Variants in SMG7 observed in about 807,000 individuals in gnomAD.
The protein encoded by SMG7 is nonsense-mediated mRNA decay factor SMG7.
Under a neutral mutation model 148.2 loss-of-function variants are expected in SMG7, and 34 were observed. The ratio of observed to expected loss-of-function variants is 0.23; its 90% CI spans 0.17 to 0.31. The LOEUF is 0.31. Ranked by LOEUF, SMG7 falls within the 10% of genes least tolerant of loss-of-function variation. The pLI is 1.00. For missense variants in SMG7, 1,114 were observed against 1,408.4 expected, an observed-to-expected ratio of 0.79 and a Z score of 3.35; for synonymous variants, 492 against 515.1, an observed-to-expected ratio of 0.96 and a Z score of 0.61.
chr1:183,502,155 C>A, intron 1 of SMG7: 1 of 766,480 alleles, frequency 1.3e-6, no homozygotes, highest in Non-Finnish European at 1.8e-6. Flanking sequence ...CTTTACCTTT[C>A]ACATGAAGTC....
In SMG7 at chr1:183,549,437, T is replaced by G. The variant is rs1033125120; in HGVS notation, c.2973+149T>G. On this transcript the variant is annotated intron_variant, in intron 19 of 22. Transcript: ENST00000688051. ...TGATTTTATCCCCCTTGTCTCTGAT[T>G]GGGGCATACTAGTGACTTGTACATC... The G allele has an allele frequency of 6.2e-6, 4 of 649,098 alleles. No individual in the cohort carries two copies. The African/African-American group carries it at 7.3e-5, about 12-fold the overall frequency. The allele number at this position is 649,098 out of a possible 1,614,324, so 40.2% of individuals were successfully genotyped here. A position where few individuals can be genotyped will look rare whatever the true frequency, so the allele number is the denominator to read the frequency against.
intron 1 of SMG7, among the ~76,000 whole-genome samples, chr1:183,497,793 A>C (rs1658862076): frequency 6.6e-6 from 1 of 151,538 alleles, no homozygotes; most frequent in Admixed American, 6.6e-5. Flanking sequence ...CTGGTCTAGA[A>C]CTCCTGACCT....
At position 183,553,647 on chromosome 1, in the gene SMG7, G is replaced by C. The variant is rs1052510882; in HGVS notation, c.*1716G>C. On this transcript the variant is annotated 3_prime_UTR_variant, in exon 23 of 23. Transcript: ENST00000688051. ...GTATGCTTACATTATTGCTCTTTTA[G>C]TTTGACATGGTGTTTGGGTTTTGTT... 6.6e-6 allele frequency: 1 copy of C among 151,262 alleles called. No individual in the cohort carries two copies. The highest frequency in any genetic ancestry group is 7.3e-5 in the Admixed American group (1 of 13,616). 9.4% of individuals were successfully genotyped at this position (151,262 alleles called of 1,614,324 possible).
intron 1 of SMG7, among the ~76,000 whole-genome samples, chr1:183,484,361 T>TA (rs1557948872): frequency 1.2e-5 from 1 of 84,224 alleles, no homozygotes; most frequent in Non-Finnish European, 3.4e-5. Context: ...TGAAAAAAAA[T>TA]TTTTTTTTTT....
chr1:183,534,568 A>G (rs1667408399), intron 10 of SMG7, among the ~76,000 whole-genome samples: 1 of 152,200 alleles, frequency 6.6e-6, no homozygotes, highest in Admixed American at 6.5e-5. Context: ...AGCCACATTT[A>G]AGACCCTGTG....
At position 183,546,071 on chromosome 1, in the gene SMG7, G is replaced by A; in HGVS notation, c.2476G>A (p.Asp826Asn). ...ACAGCCCTACTACCTTCAGACCCAA[G>A]ACCCCATAAAACTGTTTGAGCCGTC... ...VKQPYYLQTQ[D>N]PIKLFEPSLQ... The change falls in exon 17 of 23, where the codon GAC becomes AAC. Residue 826 changes from aspartate to asparagine, a missense_variant. Transcript: ENST00000688051. 2 of 1,613,866 alleles carry A rather than the reference G, an allele frequency of 1.2e-6. No homozygotes were observed. The highest frequency in any genetic ancestry group is 1.7e-6 in the Non-Finnish European group (2 of 1,179,952).
chr1:183,541,316 C>G (rs751055400), intron 13 of SMG7, among the ~76,000 whole-genome samples: 6 of 152,232 alleles, frequency 3.9e-5, no homozygotes, highest in African/African-American at 1.2e-4. Context: ...TTTAGAATCT[C>G]TGTTCTCCCT....
intron 1 of SMG7, among the ~76,000 whole-genome samples, chr1:183,480,571 A>G (rs559532762): frequency 3.0e-4 from 45 of 152,112 alleles, no homozygotes; most frequent in Admixed American, 2.3e-3. Flanking sequence ...CATTCCACCA[A>G]TAAACATTCA....
At chr1:183,533,613 T>G in intron 9 of SMG7, 63 bp from the exon 10 acceptor site, 2 of 1,405,602 alleles carry the variant, frequency 1.4e-6, no homozygotes, top group Non-Finnish European at 2.0e-6. Context: ...GCACATAATA[T>G]TTTAATTTGA....
chr1:183,489,197 C>G (rs1322246890), intron 1 of SMG7, among the ~76,000 whole-genome samples: 4 of 151,996 alleles, frequency 2.6e-5, no homozygotes, highest in African/African-American at 9.7e-5. Context: ...TAATTCTACT[C>G]AATCCAATAT....
chr1:183,511,584 A>G (rs1349994327), intron 1 of SMG7, among the ~76,000 whole-genome samples: 1 of 152,202 alleles, frequency 6.6e-6, no homozygotes, highest in Non-Finnish European at 1.5e-5. Context: ...GTGGAAGTAG[A>G]GTTCAGAGAC....
At chr1:183,487,345 C>T (rs972745503) in intron 1 of SMG7, among the ~76,000 whole-genome samples, 1 of 152,184 alleles carries the variant, frequency 6.6e-6, no homozygotes, top group South Asian at 2.1e-4. Context: ...GACTCTCCTG[C>T]CTCTCTTTCA....
intron 2 of SMG7, 166 bp downstream of exon 2, chr1:183,513,034 TC>T: frequency 1.7e-6 from 1 of 595,966 alleles, no homozygotes; most frequent in Non-Finnish European, 2.8e-6. Flanking sequence ...TAGTTTGAAT[TC>T]TTGCTTAAAT....
chr1:183,504,975 T>C (rs1660575543), intron 1 of SMG7, among the ~76,000 whole-genome samples: 2 of 152,186 alleles, frequency 1.3e-5, no homozygotes. Context: ...CTTCTATCTC[T>C]TCCAGAACAG....
rs1043385660 is a variant in SMG7, at chr1:183,472,667, G to T, written c.29+18G>T. The stretch of plus-strand genomic sequence containing the variant: ...TACCTCCGGTGAGTGCCGAGGCCGG[G>T]CTGGTACGTAGGGGGAGCGGGCCGC... On this transcript the variant is annotated intron_variant, in intron 1 of 22. Coordinates refer to ENST00000688051, the MANE Select transcript of SMG7 (RefSeq NM_001375584.1). 2.0e-6 allele frequency: 3 copies of T among 1,466,320 alleles called. No homozygotes were observed. In the East Asian group the frequency reaches 8.1e-5, roughly 40 times the overall value. The allele number at this position is 1,466,320 out of a possible 1,614,324, so 90.8% of individuals were successfully genotyped here.
Position 183,544,435 on chromosome 1 carries a change from G to C in SMG7, c.1925G>C (p.Ser642Thr), listed in dbSNP as rs201077093. ...TPVTQTPTQASNSQFIPIHHP... is the reference protein window; with the variant it reads ...TPVTQTPTQATNSQFIPIHHP... Reference sequence around the variant, plus strand: ...GTAACTCAAACCCCAACTCAAGCAAGTAACTCCCAGTTCATCCCCATTCAT... The same window carrying C: ...GTAACTCAAACCCCAACTCAAGCAACTAACTCCCAGTTCATCCCCATTCAT... The change falls in exon 15 of 23, where the codon AGT becomes ACT. Residue 642 changes from serine (S) to threonine (T), a missense_variant. Around this residue, in one of 4 missense-constraint regions of SMG7, gnomAD observed 788 missense variants for 894.5 expected, o/e 0.88. Transcript: ENST00000688051. 28 of 1,613,968 alleles carry C rather than the reference G, an allele frequency of 1.7e-5. No individual in the cohort carries two copies. In the East Asian group the frequency reaches 4.0e-4, roughly 23 times the overall value.
intron 1 of SMG7, among the ~76,000 whole-genome samples, chr1:183,489,119 C>T (rs978977378): frequency 1.2e-4 from 19 of 152,014 alleles, no homozygotes; most frequent in Admixed American, 1.1e-3. Flanking sequence ...CCTCACTTTT[C>T]ATACAGAAAA....
chr1:183,513,722 G>C (rs1662733266), intron 2 of SMG7, among the ~76,000 whole-genome samples: 1 of 151,904 alleles, frequency 6.6e-6, no homozygotes, highest in Non-Finnish European at 1.5e-5. Flanking sequence ...TAACTGCCAG[G>C]CTTAGCCATT....
rs1168861905 is a variant in SMG7, at chr1:183,472,775, C to A, written c.29+126C>A. 7.1e-6 allele frequency: 6 copies of A among 849,206 alleles called. No homozygotes were observed. The South Asian group carries it at 1.3e-4, about 18-fold the overall frequency. 52.6% of individuals were successfully genotyped at this position (849,206 alleles called of 1,614,324 possible). A position where few individuals can be genotyped will look rare whatever the true frequency, so the allele number is the denominator to read the frequency against. ...TGCGTCCTCTCCTCGCCGGGCAGGT[C>A]GGCGGAGACTGCAAGGGGATCTGCG... On this transcript the variant is annotated intron_variant, in intron 1 of 22. Coordinates refer to ENST00000688051, the MANE Select transcript of SMG7 (RefSeq NM_001375584.1).
Sources: allele counts gnomAD v4.1 joint callset (sites outside exome capture counted in the v4.1 genomes callset), GRCh38; gene constraint gnomAD v4.1.1; regional missense constraint gnomAD v4.1.1; transcripts MANE v1.5; gene names NCBI Gene and HGNC (gene_info 2026-07-23, HGNC 2026-07-21).